Variants in CHCHD3 observed in about 807,000 individuals in gnomAD.
The protein encoded by CHCHD3 is MICOS complex subunit MIC19.
A neutral mutation model predicts 38.2 loss-of-function variants in CHCHD3; 20 were observed. That is an observed-to-expected ratio of 0.52 (90% CI 0.37 to 0.76). The LOEUF (loss-of-function observed/expected upper bound fraction) is 0.76. Among genes scored for constraint, CHCHD3 ranks in the 30% least tolerant of loss-of-function variants. CHCHD3 has a pLI of 0.00. For synonymous variants in CHCHD3, 82 were observed against 100.0 expected (o/e 0.82, Z 1.07); for missense variants, 245 against 279.2 (o/e 0.88, Z 0.87).
At chr7:133,018,435 A>G (rs1314044634) in intron 3 of CHCHD3, among the ~76,000 whole-genome samples, 1 of 152,246 alleles carries the variant, frequency 6.6e-6, no homozygotes, top group Non-Finnish European at 1.5e-5. Flanking sequence ...CTGACTGCTA[A>G]CTGATCTCAT....
intron 5 of CHCHD3, chr7:132,849,357 T>G (rs551420847): frequency 6.6e-6 from 1 of 152,368 alleles, no homozygotes; most frequent in Non-Finnish European, 1.5e-5. Flanking sequence ...ATGTAAGCAC[T>G]GAACTCAAAA....
chr7:132,815,003 T>C (rs573340823), intron 6 of CHCHD3, among the ~76,000 whole-genome samples: 22 of 152,348 alleles, frequency 1.4e-4, no homozygotes, highest in African/African-American at 4.6e-4. Flanking sequence ...TCTGAATAAC[T>C]GGTTTTGTTA....
At chr7:132,983,499 T>TTGTAG (rs1811973463) in intron 3 of CHCHD3, among the ~76,000 whole-genome samples, 1 of 152,224 alleles carries the variant, frequency 6.6e-6, no homozygotes, top group African/African-American at 2.4e-5. Context: ...CCTGTTGCTA[T>TTGTAG]TGTAGCGAGC....
intron 6 of CHCHD3, among the ~76,000 whole-genome samples, chr7:132,826,267 G>C (rs1283603749): frequency 1.3e-5 from 2 of 152,170 alleles, no homozygotes; most frequent in African/African-American, 4.8e-5. Flanking sequence ...GGTTTTTCTT[G>C]TGTAAATAAT....
At chr7:132,973,776 T>G in intron 4 of CHCHD3, 1 of 1,082,064 alleles carries the variant, frequency 9.2e-7, no homozygotes, top group Non-Finnish European at 1.1e-6. Flanking sequence ...TGGGAGAGAC[T>G]AGAAATGAGC....
At chr7:132,874,572 G>C (rs1232691686) in intron 5 of CHCHD3, among the ~76,000 whole-genome samples, 1 of 133,766 alleles carries the variant, frequency 7.5e-6, no homozygotes, top group African/African-American at 2.6e-5. Context: ...TCATAAAAGG[G>C]AAGAATATTC....
At chr7:133,021,290 T>C (rs548040096) in intron 3 of CHCHD3, among the ~76,000 whole-genome samples, 2 of 152,320 alleles carry the variant, frequency 1.3e-5, no homozygotes, top group African/African-American at 4.8e-5. Context: ...ATATATTTCA[T>C]AGGGTACACC....
intron 5 of CHCHD3, among the ~76,000 whole-genome samples, chr7:132,861,574 G>T (rs893140638): frequency 2.0e-5 from 3 of 152,074 alleles, no homozygotes; most frequent in African/African-American, 7.2e-5. Flanking sequence ...ACTTCTAGGG[G>T]AAAAAAGATG....
At chr7:132,964,211 CTTCT>C (rs762954959) in intron 4 of CHCHD3, among the ~76,000 whole-genome samples, 37 of 152,332 alleles carry the variant, frequency 2.4e-4, no homozygotes, top group Non-Finnish European at 3.5e-4. Flanking sequence ...CAGATTAATG[CTTCT>C]TTATTATTCA....
intron 6 of CHCHD3, among the ~76,000 whole-genome samples, chr7:132,798,724 CT>C (rs1806686247): frequency 6.6e-6 from 1 of 152,066 alleles, no homozygotes; most frequent in Non-Finnish European, 1.5e-5. Context: ...CGGGAAAAGA[CT>C]GTAAAAATGA....
chr7:133,046,339 G>A (rs1046736210), intron 2 of CHCHD3, among the ~76,000 whole-genome samples: 2 of 152,140 alleles, frequency 1.3e-5, no homozygotes, highest in Non-Finnish European at 2.9e-5. Context: ...AGTAGTATTA[G>A]CCACAGTACC....
At chr7:132,798,620 C>T (rs1302875773) in intron 6 of CHCHD3, among the ~76,000 whole-genome samples, 1 of 152,080 alleles carries the variant, frequency 6.6e-6, no homozygotes, top group Non-Finnish European at 1.5e-5. Context: ...ATCGTGTCTC[C>T]AATGTGTCTC....
intron 4 of CHCHD3, among the ~76,000 whole-genome samples, chr7:132,967,905 A>AAT (rs986807654): frequency 1.3e-5 from 2 of 152,022 alleles, no homozygotes; most frequent in Non-Finnish European, 2.9e-5. Context: ...ACATTTCAGA[A>AAT]ATATATTAAT....
At chr7:132,866,465 C>T (rs139868147) in intron 5 of CHCHD3, among the ~76,000 whole-genome samples, 5 of 152,292 alleles carry the variant, frequency 3.3e-5, no homozygotes, top group African/African-American at 7.2e-5. Flanking sequence ...TACAAGAAAA[C>T]TTGCAATAAA....
intron 4 of CHCHD3, among the ~76,000 whole-genome samples, chr7:132,899,041 G>T (rs1376640982): frequency 6.6e-6 from 1 of 152,220 alleles, no homozygotes; most frequent in Non-Finnish European, 1.5e-5. Context: ...GGCCAGCCCA[G>T]AAAGGGGCTC....
intron 4 of CHCHD3, among the ~76,000 whole-genome samples, chr7:132,968,499 T>G (rs1179017373): frequency 6.6e-6 from 1 of 152,184 alleles, no homozygotes; most frequent in Non-Finnish European, 1.5e-5. Flanking sequence ...TTTTTGGAAT[T>G]CAAAGCAAAC....
intron 5 of CHCHD3, among the ~76,000 whole-genome samples, chr7:132,879,716 T>TAAAAAAAA (rs56259114): frequency 0.012 from 462 of 38,456 alleles, 33 homozygotes; most frequent in Middle Eastern, 0.062. Flanking sequence ...TTGTCAAAAG[T>TAAAAAAAA]AAAAAAAAAA....
At chr7:133,026,423 T>C (rs1444166967) in intron 2 of CHCHD3, among the ~76,000 whole-genome samples, 1 of 152,190 alleles carries the variant, frequency 6.6e-6, no homozygotes, top group Non-Finnish European at 1.5e-5. Context: ...ACATTGCTTG[T>C]GGGAATGCAA....
intron 3 of CHCHD3, among the ~76,000 whole-genome samples, chr7:133,023,644 G>A (rs1813252484): frequency 1.3e-5 from 2 of 152,118 alleles, no homozygotes; most frequent in African/African-American, 4.8e-5. Flanking sequence ...TAGTACAGAT[G>A]GGAAGCACTT....
Sources: allele counts gnomAD v4.1 joint callset (sites outside exome capture counted in the v4.1 genomes callset), GRCh38; gene constraint gnomAD v4.1.1; transcripts MANE v1.5; gene names NCBI Gene and HGNC (gene_info 2026-07-23, HGNC 2026-07-21).